The following PTPN14 variants were observed in gnomAD, a reference collection of about 807,000 sequenced individuals.
The protein encoded by PTPN14 is protein tyrosine phosphatase non-receptor type 14, also known as tyrosine-protein phosphatase non-receptor type 14.
A neutral mutation model predicts 126.8 loss-of-function variants in PTPN14; 53 were observed. That is an observed-to-expected ratio of 0.42 (90% confidence interval 0.34 to 0.53). PTPN14 has a LOEUF of 0.53. PTPN14 is among the 20% of genes least tolerant of loss of function. PTPN14 has a pLI of 0.08. For missense variants in PTPN14, 1,257 were observed against 1,552.9 expected (o/e 0.81, Z 3.20); for synonymous variants, 630 against 599.3 (o/e 1.05, Z -0.75).
At chr1:214,507,771 T>C (rs1416765163) in intron 1 of PTPN14, among the ~76,000 whole-genome samples, 1 of 152,234 alleles carries the variant, frequency 6.6e-6, no homozygotes, top group Non-Finnish European at 1.5e-5. Flanking sequence ...ATAAAAGTTA[T>C]GTTTGTTTTA....
intron 1 of PTPN14, among the ~76,000 whole-genome samples, chr1:214,522,813 T>C (rs955407206): frequency 6.6e-6 from 1 of 152,180 alleles, no homozygotes; most frequent in Non-Finnish European, 1.5e-5. Context: ...ATAAATGCCA[T>C]GGTGTTTTAA....
chr1:214,548,998 T>C (rs1476688410), intron 1 of PTPN14, among the ~76,000 whole-genome samples: 2 of 152,136 alleles, frequency 1.3e-5, no homozygotes, highest in South Asian at 2.1e-4. Context: ...TCTTCAGCCA[T>C]TTCTCTCATG....
intron 1 of PTPN14, among the ~76,000 whole-genome samples, chr1:214,467,568 T>C (rs960050071): frequency 2.1e-5 from 1 of 47,334 alleles, no homozygotes; most frequent in Non-Finnish European, 4.1e-5. Context: ...TTTTATGATA[T>C]ACAAAAACAC....
intron 1 of PTPN14, among the ~76,000 whole-genome samples, chr1:214,545,834 G>A: frequency 6.6e-6 from 1 of 152,256 alleles, no homozygotes; most frequent in East Asian, 1.9e-4. Context: ...TTCAAGTTGG[G>A]ACAGGTAGGA....
At chr1:214,459,785 C>T (rs1660467936) in intron 2 of PTPN14, among the ~76,000 whole-genome samples, 1 of 152,188 alleles carries the variant, frequency 6.6e-6, no homozygotes, top group African/African-American at 2.4e-5. Flanking sequence ...CTCTTTTCTA[C>T]TACTGAGTGC....
intron 3 of PTPN14, among the ~76,000 whole-genome samples, chr1:214,437,504 A>G (rs1659946733): frequency 6.6e-6 from 1 of 152,178 alleles, no homozygotes; most frequent in Admixed American, 6.5e-5. Flanking sequence ...CCCTAAACCT[A>G]TTTAGGAGAT....
chr1:214,489,596 C>T (rs920313423), intron 1 of PTPN14, among the ~76,000 whole-genome samples: 2 of 152,196 alleles, frequency 1.3e-5, no homozygotes, highest in Non-Finnish European at 2.9e-5. Flanking sequence ...TCTGGATTTG[C>T]TTAGCCCTGG....
rs982338179 is a variant in PTPN14 at position 214,415,911 on chromosome 1, G to GA, written c.345-1186dup. Among the ~76,000 whole-genome samples the GA allele has an allele frequency of 8.5e-5, 13 of 152,262 alleles. No individual in the cohort carries two copies. The East Asian group carries it at 1.2e-3, about 14-fold the overall frequency. ...TTTTAGTCAAACCTAATATGGGCTAGAAAAAATCACGAAGCAAAACAAAAA... is the reference window on the plus strand; with the variant it reads ...TTTTAGTCAAACCTAATATGGGCTAGAAAAAAATCACGAAGCAAAACAAAAA... On this transcript the variant is annotated intron_variant, in intron 3 of 18. Transcript: ENST00000366956.
At chr1:214,458,251 T>C (rs1369415761) in intron 2 of PTPN14, among the ~76,000 whole-genome samples, 3 of 152,150 alleles carry the variant, frequency 2.0e-5, no homozygotes, top group Non-Finnish European at 2.9e-5. Context: ...GATCTCACTA[T>C]GTTCTCAGGC....
At chr1:214,548,227 C>T (rs1013864938) in intron 1 of PTPN14, among the ~76,000 whole-genome samples, 3 of 152,176 alleles carry the variant, frequency 2.0e-5, no homozygotes, top group African/African-American at 7.2e-5. Flanking sequence ...TCCAACCTAG[C>T]TATATTTCAA....
chr1:214,455,719 T>C (rs1660366889), intron 2 of PTPN14, among the ~76,000 whole-genome samples: 1 of 152,012 alleles, frequency 6.6e-6, no homozygotes, highest in Non-Finnish European at 1.5e-5. Context: ...AGCTTCCTCA[T>C]TTATTTGGTT....
At chr1:214,409,685 C>T (rs1279796251) in intron 5 of PTPN14, among the ~76,000 whole-genome samples, 1 of 152,098 alleles carries the variant, frequency 6.6e-6, no homozygotes, top group Admixed American at 6.5e-5. Context: ...CTTTACTCCT[C>T]ATGCTCAGTA....
intron 1 of PTPN14, among the ~76,000 whole-genome samples, chr1:214,470,108 G>T (rs779253710): frequency 4.0e-5 from 5 of 123,906 alleles, no homozygotes; most frequent in Non-Finnish European, 6.6e-5. Flanking sequence ...GCAAAATAGC[G>T]AGACTTTGAC....
intron 3 of PTPN14, among the ~76,000 whole-genome samples, chr1:214,426,989 T>G (rs1335607842): frequency 1.3e-5 from 2 of 152,104 alleles, no homozygotes; most frequent in Non-Finnish European, 2.9e-5. Flanking sequence ...CTAAAAAAAA[T>G]TATGATTACA....
At position 214,486,306 on chromosome 1, in the gene PTPN14, T is replaced by C. The variant is rs140697085; in HGVS notation, c.-154-21349A>G. 2.6e-5 allele frequency among the ~76,000 whole-genome samples: 4 copies of C among 152,254 alleles called. 1 individual carries two copies. The highest frequency in any genetic ancestry group is 9.6e-5 in the African/African-American group (4 of 41,546). ...TATCCTCAGTCTACAGAACAGTAAATCAAACTTTACAGAGTCTAAGTAACT... is the reference window on the plus strand; with the variant it reads ...TATCCTCAGTCTACAGAACAGTAAACCAAACTTTACAGAGTCTAAGTAACT... On this transcript the variant is annotated intron_variant, in intron 1 of 18. Coordinates refer to ENST00000366956, the MANE Select transcript of PTPN14 (RefSeq NM_005401.5).
chr1:214,425,181 G>A (rs17732074), intron 3 of PTPN14, among the ~76,000 whole-genome samples: 11,116 of 152,126 alleles, frequency 0.073, 441 homozygotes, highest in South Asian at 0.13. Flanking sequence ...ACAATTCACA[G>A]ACTCAGTAGA....
chr1:214,392,372 A>C (rs183167984), intron 10 of PTPN14, among the ~76,000 whole-genome samples: 2 of 152,184 alleles, frequency 1.3e-5, no homozygotes, highest in African/African-American at 4.8e-5. Context: ...GATGTTCACT[A>C]ATACTGAAGG....
intron 2 of PTPN14, among the ~76,000 whole-genome samples, chr1:214,462,445 TG>T (rs1173298388): frequency 6.6e-6 from 1 of 152,238 alleles, no homozygotes; most frequent in Non-Finnish European, 1.5e-5. Context: ...AAATGTTGGC[TG>T]CTCTTTCACA....
At chr1:214,374,445 G>C (rs1003100962) in intron 15 of PTPN14, among the ~76,000 whole-genome samples, 1 of 152,202 alleles carries the variant, frequency 6.6e-6, no homozygotes, top group Admixed American at 6.5e-5. Flanking sequence ...AATACTTCCA[G>C]AGAATGCTGC....
Sources: allele counts gnomAD v4.1 joint callset (sites outside exome capture counted in the v4.1 genomes callset), GRCh38; gene constraint gnomAD v4.1.1; transcripts MANE v1.5; gene names NCBI Gene and HGNC (gene_info 2026-07-23, HGNC 2026-07-21).